The following PDE10A variants were observed in gnomAD, a reference collection of about 807,000 sequenced individuals.
The protein encoded by PDE10A is phosphodiesterase 10A.
In PDE10A, 39 loss-of-function variants were observed where a neutral mutation model predicts 97.7. The observed-to-expected ratio is 0.40, with a 90% CI of 0.31 to 0.52. The LOEUF is 0.52. Among genes scored for constraint, PDE10A ranks in the 20% least tolerant of loss-of-function variants. The pLI, the probability that PDE10A is intolerant of heterozygous loss-of-function variation, is 0.56. For missense variants in PDE10A, 731 were observed against 1,047.8 expected (o/e 0.70, Z 4.17); for synonymous variants, 371 against 376.8 (o/e 0.98, Z 0.18).
intron 2 of PDE10A, among the ~76,000 whole-genome samples, chr6:165,491,785 G>A (rs1315707506): frequency 6.6e-6 from 1 of 151,786 alleles, no homozygotes; most frequent in Non-Finnish European, 1.5e-5. Flanking sequence ...ACAATCTAAG[G>A]TCACACCTCA....
At chr6:165,911,646 C>T (rs1782456491) in intron 1 of PDE10A, among the ~76,000 whole-genome samples, 1 of 152,234 alleles carries the variant, frequency 6.6e-6, no homozygotes, top group Admixed American at 6.5e-5. Context: ...CTTCCATTCC[C>T]TGACATCAGC....
chr6:165,768,843 C>T (rs1777932950), intron 1 of PDE10A, among the ~76,000 whole-genome samples: 1 of 152,100 alleles, frequency 6.6e-6, no homozygotes, highest in African/African-American at 2.4e-5. Context: ...TCGTAATCAT[C>T]TTTGTTATTC....
chr6:165,453,447 AG>A (rs1364463911), intron 3 of PDE10A, among the ~76,000 whole-genome samples: 1 of 152,238 alleles, frequency 6.6e-6, no homozygotes. Context: ...GCTGCTTCAG[AG>A]ATCTTGGAGG....
At chr6:165,359,041 CAT>C (rs1365307379) in intron 18 of PDE10A, among the ~76,000 whole-genome samples, 2 of 151,988 alleles carry the variant, frequency 1.3e-5, no homozygotes, top group Admixed American at 6.6e-5. Flanking sequence ...TATAATTCTA[CAT>C]AGTCTCATCC....
At chr6:165,840,245 C>T (rs765100884) in intron 1 of PDE10A, among the ~76,000 whole-genome samples, 1 of 152,140 alleles carries the variant, frequency 6.6e-6, no homozygotes, top group Middle Eastern at 3.2e-3. Context: ...TCATCCCCAG[C>T]TCCATCCTTA....
intron 1 of PDE10A, among the ~76,000 whole-genome samples, chr6:165,873,385 CCTG>C (rs1364980539): frequency 6.6e-6 from 1 of 152,212 alleles, no homozygotes; most frequent in Non-Finnish European, 1.5e-5. Context: ...TCCTGGCTCC[CCTG>C]CTAACTTGCT....
chr6:165,720,083 A>T (rs748761722), intron 1 of PDE10A, among the ~76,000 whole-genome samples: 7 of 152,252 alleles, frequency 4.6e-5, no homozygotes, highest in African/African-American at 7.2e-5. Context: ...GTAATTATTC[A>T]CAAAATAGTG....
chr6:165,709,757 G>A (rs183799607), intron 1 of PDE10A, among the ~76,000 whole-genome samples: 1 of 141,062 alleles, frequency 7.1e-6, no homozygotes, highest in East Asian at 2.1e-4. Context: ...CCCTCTGCGA[G>A]CCGCAACCAT....
chr6:165,754,609 T>C lies in PDE10A; in HGVS notation c.-614-211041A>G, dbSNP rs142707428. Among the ~76,000 whole-genome samples the C allele has an allele frequency of 4.7e-4, 72 of 152,292 alleles. 1 individual carries two copies. The East Asian group carries it at 9.6e-3, about 20-fold the overall frequency. On this transcript the variant is annotated intron_variant, in intron 1 of 19. Transcript: ENST00000366882. ...GTGTGTATGTGTGTGTGTATACATATTTATGAATATAAAACAGTTATATTA... is the reference window on the plus strand; with the variant it reads ...GTGTGTATGTGTGTGTGTATACATACTTATGAATATAAAACAGTTATATTA...
At chr6:165,458,285 G>T (rs117350376) in intron 3 of PDE10A, among the ~76,000 whole-genome samples, 1 of 152,020 alleles carries the variant, frequency 6.6e-6, no homozygotes, top group South Asian at 2.1e-4. Context: ...AAATTCCTAC[G>T]CTGAAATCTT....
intron 1 of PDE10A, among the ~76,000 whole-genome samples, chr6:165,969,419 A>G (rs1367241054): frequency 6.6e-6 from 1 of 152,152 alleles, no homozygotes; most frequent in Admixed American, 6.5e-5. Context: ...CAATTGTTCA[A>G]ATAAGACACA....
At chr6:165,780,579 C>T (rs182213440) in intron 1 of PDE10A, 3 of 152,396 alleles carry the variant, frequency 2.0e-5, no homozygotes, top group Admixed American at 2.0e-4. Context: ...AGATTCCTCT[C>T]TCCTCCATCC....
In PDE10A at chr6:165,429,892, A is replaced by G. The variant is rs115615870; in HGVS notation, c.1601+395T>C. Among the ~76,000 whole-genome samples the G allele has an allele frequency of 9.5e-3, 1,452 of 152,226 alleles. 13 individuals are homozygous for G. Among genetic ancestry groups the G allele is most frequent in the African/African-American group, 0.033 (1,386 of 41,560 alleles). On this transcript the variant is annotated intron_variant, in intron 9 of 21. Transcript: ENST00000539869. Reference sequence around the variant, plus strand: ...ATGGGAAAATTTAAATAATAATAATAATGATGCTTAATTTACTGACATTGT... The same window carrying G: ...ATGGGAAAATTTAAATAATAATAATGATGATGCTTAATTTACTGACATTGT...
intron 1 of PDE10A, among the ~76,000 whole-genome samples, chr6:165,803,931 C>T (rs752703729): frequency 6.6e-6 from 1 of 152,202 alleles, no homozygotes; most frequent in Non-Finnish European, 1.5e-5. Context: ...ATCTCCCCAA[C>T]CCCAGCTCAT....
At chr6:165,889,977 A>C (rs375836159) in intron 1 of PDE10A, among the ~76,000 whole-genome samples, 2,057 of 8,732 alleles carry the variant, frequency 0.24, 377 homozygotes, top group East Asian at 0.46. Flanking sequence ...TCACTCCTCC[A>C]TCCCTCACTC....
intron 1 of PDE10A, among the ~76,000 whole-genome samples, chr6:165,656,362 G>C (rs1789967736): frequency 6.6e-6 from 1 of 150,880 alleles, no homozygotes; most frequent in African/African-American, 2.4e-5. Flanking sequence ...ACCTGGATGT[G>C]TGACTATTAA....
At chr6:165,471,605 G>A (rs187497660) in intron 3 of PDE10A, among the ~76,000 whole-genome samples, 2 of 152,110 alleles carry the variant, frequency 1.3e-5, no homozygotes, top group East Asian at 1.9e-4. Flanking sequence ...TCCCATGGAG[G>A]GCCTCCCAGC....
chr6:165,771,417 T>C (rs1778006170), intron 1 of PDE10A, among the ~76,000 whole-genome samples: 1 of 151,884 alleles, frequency 6.6e-6, no homozygotes, highest in Non-Finnish European at 1.5e-5. Flanking sequence ...GTTTGCATTG[T>C]TCCACTATAA....
In PDE10A at chr6:165,537,474, A is replaced by G. The variant is rs192082011; in HGVS notation, c.994+5966T>C. On this transcript the variant is annotated intron_variant, in intron 2 of 21. Coordinates refer to ENST00000539869, the MANE Select transcript of PDE10A (RefSeq NM_001385079.1). ...AGTAGTGGATATCTCAATTACCCAG[A>G]TTTGATTATTACATTGTATGCTTGT... is the stretch of plus-strand genomic sequence containing the variant. Among the ~76,000 whole-genome samples the G allele has an allele frequency of 5.5e-4, 83 of 152,204 alleles. 1 individual carries two copies. Among genetic ancestry groups the G allele is most frequent in the African/African-American group, 1.8e-3 (73 of 41,568 alleles).
Sources: allele counts gnomAD v4.1 joint callset (sites outside exome capture counted in the v4.1 genomes callset), GRCh38; gene constraint gnomAD v4.1.1; transcripts MANE v1.5; gene names NCBI Gene and HGNC (gene_info 2026-07-23, HGNC 2026-07-21).